Variants in BRAF observed in about 807,000 individuals in gnomAD.
The protein encoded by BRAF is serine/threonine-protein kinase B-raf.
BRAF carries 16 observed loss-of-function variants against 104.6 expected under a neutral mutation model. The ratio of observed to expected loss-of-function variants is 0.15; its 90% CI spans 0.10 to 0.23. The LOEUF (loss-of-function observed/expected upper bound fraction) is 0.23, where lower values mean the gene tolerates loss of function less well. BRAF is among the 10% of genes least tolerant of loss of function. The pLI, the probability that BRAF is intolerant of heterozygous loss-of-function variation, is 1.00. For synonymous variants in BRAF, 310 were observed against 341.6 expected (o/e 0.91, Z 1.02); for missense variants, 541 against 937.3 (o/e 0.58, Z 5.52).
chr7:140,851,719 C>A (rs1309945779), intron 1 of BRAF, among the ~76,000 whole-genome samples: 1 of 152,154 alleles, frequency 6.6e-6, no homozygotes, highest in African/African-American at 2.4e-5. Context: ...TCCACTCTTC[C>A]CCACAATCTC....
chr7:140,857,838 G>C (rs760150838), intron 1 of BRAF, among the ~76,000 whole-genome samples: 6 of 152,020 alleles, frequency 3.9e-5, no homozygotes, highest in Non-Finnish European at 7.4e-5. Flanking sequence ...GACTATAACA[G>C]ATGGTATGCA....
chr7:140,833,373 C>T (rs1330550883), intron 3 of BRAF, among the ~76,000 whole-genome samples: 1 of 152,186 alleles, frequency 6.6e-6, no homozygotes, highest in African/African-American at 2.4e-5. Flanking sequence ...CTCATGAATA[C>T]AGACAATAAA....
intron 8 of BRAF, among the ~76,000 whole-genome samples, chr7:140,793,404 T>G (rs1206566653): frequency 6.6e-6 from 1 of 152,102 alleles, no homozygotes; most frequent in Non-Finnish European, 1.5e-5. Context: ...AAAAAGTCAC[T>G]TAAAATGAAC....
downstream of BRAF, among the ~76,000 whole-genome samples, chr7:140,716,913 G>C (rs920204565): frequency 6.6e-6 from 1 of 152,180 alleles, no homozygotes; most frequent in Non-Finnish European, 1.5e-5. Flanking sequence ...ATTTCACCAG[G>C]AGCAATGGTG....
intron 1 of BRAF, among the ~76,000 whole-genome samples, chr7:140,913,469 CTTTTTTTTT>C (rs369746551): frequency 3.5e-5 from 2 of 56,996 alleles, no homozygotes; most frequent in East Asian, 6.8e-4. Flanking sequence ...TTAATCACAG[CTTTTTTTTT>C]TTTTTTTTTT....
chr7:140,915,023 T>C (rs1377001485), intron 1 of BRAF, among the ~76,000 whole-genome samples: 1 of 73,394 alleles, frequency 1.4e-5, no homozygotes, highest in Non-Finnish European at 2.4e-5. Flanking sequence ...CACTCCAGCA[T>C]GGATGATAGA....
intron 1 of BRAF, among the ~76,000 whole-genome samples, chr7:140,893,675 C>T (rs1814536888): frequency 6.6e-6 from 1 of 151,998 alleles, no homozygotes; most frequent in Non-Finnish European, 1.5e-5. Flanking sequence ...ACAACCCCAC[C>T]CGCCACACCA....
rs1795540817 is a variant in BRAF at position 140,725,342 on chromosome 7, A to C, written c.*1152T>G. On this transcript the variant is annotated 3_prime_UTR_variant, in exon 20 of 20. Transcript: ENST00000644969. ...GCTAAGACTCCTCATATTTAGGTAG[A>C]GAAAAGGATAATGATCTTTCTTAAA... 1.0e-6 allele frequency: 1 copy of C among 999,428 alleles called. No homozygotes were observed. The highest frequency in any genetic ancestry group is 1.2e-6 in the Non-Finnish European group (1 of 825,784). The allele number at this position is 999,428 out of a possible 1,614,324, so 61.9% of individuals were successfully genotyped here. A position where few individuals can be genotyped will look rare whatever the true frequency, so the allele number is the denominator to read the frequency against.
At chr7:140,742,961 C>T (rs1285276271) in intron 17 of BRAF, among the ~76,000 whole-genome samples, 2 of 152,092 alleles carry the variant, frequency 1.3e-5, no homozygotes, top group African/African-American at 2.4e-5. Flanking sequence ...AGCCAAAAAA[C>T]ACATGAAAAA....
At chr7:140,871,081 T>A (rs987640946) in intron 1 of BRAF, among the ~76,000 whole-genome samples, 30 of 148,976 alleles carry the variant, frequency 2.0e-4, no homozygotes, top group African/African-American at 5.9e-4. Context: ...CAAAAAAAAA[T>A]ACAAAAAAAA....
At position 140,896,523 on chromosome 7, in the gene BRAF, G is replaced by A. The variant is rs901571678; in HGVS notation, c.138+28043C>T. 3.3e-5 allele frequency among the ~76,000 whole-genome samples: 5 copies of A among 152,012 alleles called. No individual in the cohort carries two copies. In the South Asian group the frequency reaches 6.2e-4, roughly 19 times the overall value. On this transcript the variant is annotated intron_variant, in intron 1 of 19. Coordinates refer to ENST00000644969, the MANE Select transcript of BRAF (RefSeq NM_001374258.1). Reference sequence around the variant, plus strand: ...GCGGGTGGATCACCTGAGGTCAAGAGTTTGAGACCAGCCTGGCCAACATGG... The same window carrying A: ...GCGGGTGGATCACCTGAGGTCAAGAATTTGAGACCAGCCTGGCCAACATGG...
chr7:140,775,054 A>C (rs1800201826), intron 14 of BRAF, among the ~76,000 whole-genome samples: 1 of 152,178 alleles, frequency 6.6e-6, no homozygotes, highest in South Asian at 2.1e-4. Flanking sequence ...ATGCGTTATA[A>C]AGAAAATCAA....
At chr7:140,778,426 G>C (rs1800534891) in intron 12 of BRAF, among the ~76,000 whole-genome samples, 1 of 152,050 alleles carries the variant, frequency 6.6e-6, no homozygotes, top group Admixed American at 6.6e-5. Flanking sequence ...AACTGAAACT[G>C]CAAGTAATGT....
In BRAF at chr7:140,909,847, A is replaced by AC. The variant is rs201964408; in HGVS notation, c.138+14718_138+14719insG. Among the ~76,000 whole-genome samples, 141 of 151,926 alleles carry AC rather than the reference A, an allele frequency of 9.3e-4. 1 individual carries two copies. Among genetic ancestry groups the AC allele is most frequent in the Middle Eastern group, 3.4e-3 (1 of 292 alleles). On this transcript the variant is annotated intron_variant, in intron 1 of 19. Coordinates refer to ENST00000644969, the MANE Select transcript of BRAF (RefSeq NM_001374258.1). ...AACAACAACAACAACAACAACAACA[A>AC]AAAAGTGCCTCATACACAAAATGGA...
chr7:140,774,792 CAG>C (rs1366946407), intron 14 of BRAF, among the ~76,000 whole-genome samples: 1 of 152,178 alleles, frequency 6.6e-6, no homozygotes, highest in Non-Finnish European at 1.5e-5. Context: ...GCTGGGATTA[CAG>C]GTGTGAGCCA....
At chr7:140,726,587 A>T in intron 19 of BRAF, 1 of 1,298,452 alleles carries the variant, frequency 7.7e-7, no homozygotes, top group South Asian at 1.3e-5. Flanking sequence ...GAAAAGCCTC[A>T]TTTGAGCTTC....
intron 1 of BRAF, among the ~76,000 whole-genome samples, chr7:140,893,399 G>A (rs758517833): frequency 6.6e-6 from 1 of 151,918 alleles, no homozygotes; most frequent in Non-Finnish European, 1.5e-5. Flanking sequence ...ACAGGCGCCC[G>A]CCACCATGCC....
Position 140,785,793 on chromosome 7 carries a change from A to T in BRAF, c.1193T>A (p.Leu398Gln). ...FRGDGAPLNQ[L>Q]MRCLRKYQSR... Reference sequence around the variant, plus strand: ...TTGGTATTTCCGAAGACAGCGCATCAGCTGGTTCAAAGGGGCTGTTAGAAG... The same window carrying T: ...TTGGTATTTCCGAAGACAGCGCATCTGCTGGTTCAAAGGGGCTGTTAGAAG... Residue 398 changes from leucine to glutamine, a missense_variant, in exon 10 of 20, where the codon CTG becomes CAG. By Grantham distance (113) the Leu-to-Gln change is moderately radical. Coordinates refer to ENST00000644969, the MANE Select transcript of BRAF (RefSeq NM_001374258.1). The T allele has an allele frequency of 2.5e-6, 1 of 399,074 alleles. No homozygotes were observed. Among genetic ancestry groups the T allele is most frequent in the Non-Finnish European group, 4.4e-6 (1 of 226,086 alleles). 24.7% of individuals were successfully genotyped at this position (399,074 alleles called of 1,614,324 possible). A position where few individuals can be genotyped will look rare whatever the true frequency, so the allele number is the denominator to read the frequency against.
intron 1 of BRAF, among the ~76,000 whole-genome samples, chr7:140,923,184 G>A (rs1371485555): frequency 1.4e-5 from 2 of 145,492 alleles, no homozygotes; most frequent in Non-Finnish European, 3.0e-5. Context: ...AATTTCCAAA[G>A]ATGATGATGC....
Sources: allele counts gnomAD v4.1 joint callset (sites outside exome capture counted in the v4.1 genomes callset), GRCh38; gene constraint gnomAD v4.1.1; transcripts MANE v1.5; gene names NCBI Gene and HGNC (gene_info 2026-07-23, HGNC 2026-07-21).